The following CHD1L variants were observed in gnomAD, a reference collection of about 807,000 sequenced individuals.
CHD1L encodes ATP-dependent chromatin remodeler CHD1L.
Under a neutral mutation model 115.9 loss-of-function variants are expected in CHD1L, and 118 were observed. The ratio of observed to expected loss-of-function variants is 1.02; its 90% CI spans 0.88 to 1.19. The LOEUF (loss-of-function observed/expected upper bound fraction) is 1.19. Ranked by LOEUF, CHD1L falls within the 50% of genes most tolerant of loss-of-function variation. The probability of loss-of-function intolerance (pLI) is 0.00; values close to 1 mark genes in which losing one functional copy is unlikely to be tolerated. For synonymous variants in CHD1L, 411 were observed against 387.1 expected (o/e 1.06, Z -0.72); for missense variants, 1,179 against 1,065.3 (o/e 1.11, Z -1.49).
chr1:147,233,862 A>G, the CHD1L span, among the ~76,000 whole-genome samples: 2 of 151,822 alleles, frequency 1.3e-5, no homozygotes, highest in African/African-American at 4.8e-5. Context: ...AGGGCGGTGC[A>G]AGATGTGCTT....
In CHD1L at chr1:147,288,957, AT is replaced by A. The variant is rs1684459533; in HGVS notation, c.2320+1226del. ...TTATTATTGTGGTGATTTTCTGGAG[AT>A]TGAAGGACCTTGTCTGATAGAGAAG... is the stretch of plus-strand genomic sequence containing the variant. On this transcript the variant is annotated intron_variant, in intron 19 of 22. Transcript: ENST00000369258. 2.0e-5 allele frequency among the ~76,000 whole-genome samples: 3 copies of A among 152,300 alleles called. No individual in the cohort carries two copies. The South Asian group carries it at 6.2e-4, about 32-fold the overall frequency.
At chr1:147,278,696 T>G (rs587701635) in intron 14 of CHD1L, among the ~76,000 whole-genome samples, 81 of 152,204 alleles carry the variant, frequency 5.3e-4, no homozygotes, top group African/African-American at 2.0e-3. Flanking sequence ...TAGTGAACAC[T>G]TATTGGATAC....
chr1:147,270,808 G>A (rs1204275890), intron 10 of CHD1L, 124 bp from the exon 11 acceptor site: 9 of 753,394 alleles, frequency 1.2e-5, no homozygotes, highest in African/African-American at 3.5e-5. Context: ...TAAATCATAC[G>A]ACACTTATAT....
At chr1:147,186,668 G>A in the CHD1L span, 1 of 1,337,156 alleles carries the variant, frequency 7.5e-7, no homozygotes, top group Non-Finnish European at 9.6e-7. Flanking sequence ...TGAGCTCCCA[G>A]TCTAGGGATT....
At chr1:147,193,836 C>T in the CHD1L span, among the ~76,000 whole-genome samples, 1 of 152,068 alleles carries the variant, frequency 6.6e-6, no homozygotes, top group Non-Finnish European at 1.5e-5. Context: ...TTTTTTAGTC[C>T]TGAGTTCTAG....
Position 147,264,517 on chromosome 1 carries a change from C to G in CHD1L, c.672C>G (p.Leu224=), listed in dbSNP as rs78843378. ...YSLLSFVEPD[L]FSKEEVGDFI... ...TCCTCAGTTTTGTGGAGCCTGATCT[C>G]TTTTCCAAGGAAGAGGTGGGAGATT... The change falls in exon 7 of 23, where the codon CTC becomes CTG. Residue 224 remains leucine (L), a synonymous_variant. Coordinates refer to ENST00000369258, the MANE Select transcript of CHD1L (RefSeq NM_004284.6). The G allele has an allele frequency of 1.5e-3, 2,462 of 1,614,078 alleles. 73 individuals carry two copies. In the East Asian group the frequency reaches 0.049, roughly 32 times the overall value.
intron 1 of CHD1L, among the ~76,000 whole-genome samples, chr1:147,250,184 T>C (rs1667969958): frequency 6.6e-6 from 1 of 152,180 alleles, no homozygotes; most frequent in Admixed American, 6.5e-5. Context: ...CATTACTGCT[T>C]TAAGGTCTTT....
intron 10 of CHD1L, among the ~76,000 whole-genome samples, chr1:147,270,259 A>T (rs1225940579): frequency 2.0e-5 from 3 of 152,230 alleles, no homozygotes; most frequent in Non-Finnish European, 4.4e-5. Context: ...AACAGCCAGT[A>T]ACAAGGGACT....
intron 8 of CHD1L, among the ~76,000 whole-genome samples, chr1:147,266,941 A>G (rs182787214): frequency 2.8e-4 from 42 of 152,330 alleles, no homozygotes; most frequent in African/African-American, 8.7e-4. Context: ...AACACAGAAT[A>G]CATATAGGGT....
the CHD1L span, among the ~76,000 whole-genome samples, chr1:147,222,194 A>AC: frequency 6.6e-6 from 1 of 152,096 alleles, no homozygotes. Context: ...ACATGGTGAA[A>AC]CCCCATCTTT....
rs1680230862 is a variant in CHD1L at position 147,280,105 on chromosome 1, C to G, written c.1619C>G (p.Ser540Cys). Residue 540 changes from serine (S) to cysteine (C), a missense_variant, in exon 15 of 23, where the codon TCC becomes TGC. Transcript: ENST00000369258. ...ACCATGGATGAAATAGACCTGGAGTCCATCCTGGGAGAAACAAAAGATGGC... is the reference window on the plus strand; with the variant it reads ...ACCATGGATGAAATAGACCTGGAGTGCATCCTGGGAGAAACAAAAGATGGC... Reference protein sequence around the residue: ...GSTMDEIDLESILGETKDGQW... With the variant: ...GSTMDEIDLECILGETKDGQW... 6.2e-7 allele frequency: 1 copy of G among 1,613,902 alleles called. No homozygotes were observed. Among genetic ancestry groups the G allele is most frequent in the Non-Finnish European group, 8.5e-7 (1 of 1,179,920 alleles).
chr1:147,243,940 GAAGTT>G (rs2102223331), intron 1 of CHD1L, among the ~76,000 whole-genome samples: 2 of 152,328 alleles, frequency 1.3e-5, no homozygotes, highest in South Asian at 4.1e-4. Flanking sequence ...ACTGAAAGAT[GAAGTT>G]GAATGGAGAG....
chr1:147,187,129 T>C, the CHD1L span: 1 of 1,614,098 alleles, frequency 6.2e-7, no homozygotes, highest in Non-Finnish European at 8.5e-7. Context: ...TAATGCCAGC[T>C]TGGGGTCAGT....
At chr1:147,263,185 T>C (rs1184723349) in intron 6 of CHD1L, among the ~76,000 whole-genome samples, 5 of 152,086 alleles carry the variant, frequency 3.3e-5, no homozygotes, top group Admixed American at 6.5e-5. Context: ...CCTAGCACTT[T>C]GGGAGGCCGA....
At chr1:147,218,947 T>C in the CHD1L span, among the ~76,000 whole-genome samples, 1 of 152,214 alleles carries the variant, frequency 6.6e-6, no homozygotes, top group African/African-American at 2.4e-5. Flanking sequence ...CTGTTCATAT[T>C]TCTATAAAGA....
Position 147,287,688 on chromosome 1 carries a change from T to G in CHD1L, c.2275T>G (p.Ser759Ala). The G allele has an allele frequency of 6.2e-7, 1 of 1,613,976 alleles. No homozygotes were observed. Among genetic ancestry groups the G allele is most frequent in the Non-Finnish European group, 8.5e-7 (1 of 1,179,980 alleles). Residue 759 changes from serine (S) to alanine (A), a missense_variant, in exon 19 of 23, where the codon TCC becomes GCC. Physicochemically the swap from Ser to Ala is moderately conservative, Grantham distance 99 (BLOSUM62 1). Transcript: ENST00000369258. ...GGLFTALEKR[S>A]AEPRKIYELA... ...TTTATTTACAGCTCTGGAAAAGCGA[T>G]CCGCTGAGCCAAGAAAAATATATGA... is the stretch of plus-strand genomic sequence containing the variant.
chr1:147,210,293 T>C, the CHD1L span: 1 of 152,210 alleles, frequency 6.6e-6, no homozygotes, highest in African/African-American at 2.4e-5. Context: ...CTAGTCAGTC[T>C]TTCTGTGTCC....
chr1:147,184,604 T>C, the CHD1L span: 27 of 1,547,900 alleles, frequency 1.7e-5, no homozygotes, highest in South Asian at 3.2e-4. This position sits in a 1 kb window ranked among gnomAD's most constrained non-coding sequence, Gnocchi z 4.4. Context: ...CAACTTGGGT[T>C]TGTCTGATGT....
chr1:147,252,779 C>G (rs1668835851), intron 2 of CHD1L, 44 bp downstream of exon 2: 1 of 1,435,534 alleles, frequency 7.0e-7, no homozygotes, highest in Non-Finnish European at 9.8e-7. Context: ...CACTGCGATA[C>G]TTCCTTATAA....
Sources: gnomAD v4.1 joint callset for allele counts (sites outside exome capture counted in the v4.1 genomes callset) on GRCh38, gnomAD v4.1.1 for gene constraint, Gnocchi (gnomAD v3.1) non-coding constraint, MANE v1.5 for transcripts, NCBI Gene and HGNC (gene_info 2026-07-23, HGNC 2026-07-21) for gene names.